PCDH9: variants seen among roughly 807,000 people sequenced by gnomAD.
PCDH9 encodes protocadherin-9.
In PCDH9, 24 loss-of-function variants were observed where a neutral mutation model predicts 70.6. That is an observed-to-expected ratio of 0.34 (90% confidence interval 0.25 to 0.48). PCDH9 has a LOEUF of 0.48. PCDH9 is among the 20% of genes least tolerant of loss of function. PCDH9 has a pLI of 0.99. For synonymous variants in PCDH9, 562 were observed against 558.5 expected, an observed-to-expected ratio of 1.01 and a Z score of -0.09; for missense variants, 1,281 against 1,503.6, an observed-to-expected ratio of 0.85 and a Z score of 2.45.
intron 3 of PCDH9, among the ~76,000 whole-genome samples, chr13:66,796,549 T>C (rs1229061864): frequency 6.6e-6 from 1 of 152,170 alleles, no homozygotes; most frequent in Non-Finnish European, 1.5e-5. Flanking sequence ...TGAGATGATA[T>C]TGAGAAAAAG....
intron 2 of PCDH9, among the ~76,000 whole-genome samples, chr13:67,174,291 G>C (rs1480436352): frequency 6.8e-6 from 1 of 148,132 alleles, no homozygotes; most frequent in East Asian, 2.0e-4. Context: ...TAGATAGACA[G>C]ATGATAGATA....
intron 4 of PCDH9, among the ~76,000 whole-genome samples, chr13:66,370,269 C>T (rs934620440): frequency 6.6e-6 from 1 of 151,936 alleles, no homozygotes; most frequent in African/African-American, 2.4e-5. Context: ...CCCTGTCTCC[C>T]AGTCTCTGTG....
intron 3 of PCDH9, among the ~76,000 whole-genome samples, chr13:66,878,121 C>G (rs1299241449): frequency 1.3e-5 from 2 of 152,068 alleles, no homozygotes; most frequent in Non-Finnish European, 2.9e-5. Flanking sequence ...AAAGAAGATG[C>G]AGAGCATGAA....
intron 2 of PCDH9, among the ~76,000 whole-genome samples, chr13:67,127,674 ATATGTGTG>A (rs1555310051): frequency 1.7e-5 from 1 of 59,188 alleles, no homozygotes; most frequent in African/African-American, 5.7e-5. Flanking sequence ...ATATATATAT[ATATGTGTG>A]TGTGTGTGTG....
intron 2 of PCDH9, among the ~76,000 whole-genome samples, chr13:66,929,777 G>A (rs2082777363): frequency 6.6e-6 from 1 of 152,082 alleles, no homozygotes; most frequent in African/African-American, 2.4e-5. Context: ...TTCACAATAA[G>A]GAAAATGTTG....
At chr13:67,044,321 A>T (rs1348860967) in intron 2 of PCDH9, among the ~76,000 whole-genome samples, 1 of 152,190 alleles carries the variant, frequency 6.6e-6, no homozygotes, top group African/African-American at 2.4e-5. Flanking sequence ...ACCTTACAAC[A>T]TCTTATTACT....
intron 2 of PCDH9, among the ~76,000 whole-genome samples, chr13:67,013,009 T>C (rs2084481507): frequency 6.6e-6 from 1 of 151,786 alleles, no homozygotes; most frequent in Non-Finnish European, 1.5e-5. Flanking sequence ...AATGTGTGCA[T>C]GTGTGTGTGT....
intron 2 of PCDH9, among the ~76,000 whole-genome samples, chr13:67,008,658 A>G (rs1157673624): frequency 6.6e-6 from 1 of 152,168 alleles, no homozygotes; most frequent in Non-Finnish European, 1.5e-5. Flanking sequence ...CTACTGTCCA[A>G]AAAGAAGTCT....
At chr13:66,392,599 A>G (rs949023940) in intron 4 of PCDH9, among the ~76,000 whole-genome samples, 1 of 152,176 alleles carries the variant, frequency 6.6e-6, no homozygotes, top group Non-Finnish European at 1.5e-5. Context: ...TGTAAACTCT[A>G]AAGTCTGCAG....
At chr13:66,452,914 T>G (rs78401887) in intron 4 of PCDH9, among the ~76,000 whole-genome samples, 5,373 of 152,130 alleles carry the variant, frequency 0.035, 251 homozygotes, top group African/African-American at 0.11. Flanking sequence ...AATCTTTTCA[T>G]TTAGAATATG....
intron 3 of PCDH9, among the ~76,000 whole-genome samples, chr13:66,797,941 C>A (rs1217798370): frequency 2.0e-5 from 3 of 148,126 alleles, no homozygotes; most frequent in Non-Finnish European, 4.4e-5. Context: ...ACAATGTGTT[C>A]TGTTTTTGTT....
intron 4 of PCDH9, among the ~76,000 whole-genome samples, chr13:66,539,650 T>C (rs928779201): frequency 3.3e-5 from 5 of 152,110 alleles, no homozygotes; most frequent in African/African-American, 4.8e-5. Context: ...TTGCTTTAAG[T>C]CATGGAGTAT....
chr13:66,546,325 A>G (rs1961197687), intron 4 of PCDH9, among the ~76,000 whole-genome samples: 1 of 152,140 alleles, frequency 6.6e-6, no homozygotes, highest in Non-Finnish European at 1.5e-5. Context: ...GGTGGAAGAC[A>G]GTGATACAGA....
chr13:66,904,626 C>G (rs1250632758), intron 2 of PCDH9, among the ~76,000 whole-genome samples: 1 of 151,726 alleles, frequency 6.6e-6, no homozygotes, highest in Admixed American at 6.6e-5. Flanking sequence ...AACTAGTATG[C>G]CATGTTTCCT....
chr13:66,546,171 AT>A (rs1218340380), intron 4 of PCDH9, among the ~76,000 whole-genome samples: 1 of 137,850 alleles, frequency 7.3e-6, no homozygotes, highest in Non-Finnish European at 1.6e-5. Flanking sequence ...TCTTCTATTT[AT>A]TAAAAAAAAA....
chr13:66,652,215 C>T (rs780878333), intron 3 of PCDH9, among the ~76,000 whole-genome samples: 4 of 151,940 alleles, frequency 2.6e-5, no homozygotes, highest in African/African-American at 4.8e-5. Flanking sequence ...GCCAATTACC[C>T]TTGTTTGCAG....
chr13:67,127,674 A>ATGTGTGTGTG (rs772540157), intron 2 of PCDH9, among the ~76,000 whole-genome samples: 92 of 59,246 alleles, frequency 1.6e-3, no homozygotes, highest in Admixed American at 4.0e-3. Flanking sequence ...ATATATATAT[A>ATGTGTGTGTG]TATGTGTGTG....
At chr13:66,794,316 A>G (rs947231394) in intron 3 of PCDH9, among the ~76,000 whole-genome samples, 5 of 152,134 alleles carry the variant, frequency 3.3e-5, no homozygotes, top group African/African-American at 1.2e-4. Flanking sequence ...AAGGGAAGAA[A>G]CATGGATGGG....
chr13:66,484,105 TA>T (rs1413209266), intron 4 of PCDH9, among the ~76,000 whole-genome samples: 1 of 152,114 alleles, frequency 6.6e-6, no homozygotes, highest in Non-Finnish European at 1.5e-5. Context: ...TTCTACTCAA[TA>T]CAATCTTGCA....
Sources: gnomAD v4.1 joint callset for allele counts (sites outside exome capture counted in the v4.1 genomes callset) on GRCh38, gnomAD v4.1.1 for gene constraint, MANE v1.5 for transcripts, NCBI Gene and HGNC (gene_info 2026-07-23, HGNC 2026-07-21) for gene names.